EML1: variants seen among roughly 807,000 people sequenced by gnomAD.
EML1 encodes the protein EMAP like 1.
In EML1, 27 loss-of-function variants were observed where a neutral mutation model predicts 110.4. That is an observed-to-expected ratio of 0.24 (90% CI 0.18 to 0.34). The LOEUF is 0.34. Ranked by LOEUF, EML1 falls within the 10% of genes least tolerant of loss-of-function variation. The pLI is 1.00. For missense variants in EML1, 741 were observed against 1,030.9 expected, an observed-to-expected ratio of 0.72 and a Z score of 3.85; for synonymous variants, 344 against 385.8, an observed-to-expected ratio of 0.89 and a Z score of 1.27.
At chr14:99,760,176 A>C (rs578013906) in intron 1 of EML1, among the ~76,000 whole-genome samples, 1 of 151,772 alleles carries the variant, frequency 6.6e-6, no homozygotes, top group East Asian at 1.9e-4. Context: ...ACAAATGTGC[A>C]ACAGAAACAA....
intron 17 of EML1, among the ~76,000 whole-genome samples, chr14:99,922,181 C>T (rs1198561186): frequency 6.6e-6 from 1 of 150,942 alleles, no homozygotes; most frequent in African/African-American, 2.4e-5. Context: ...TTTTTTGAGA[C>T]AGAGCCTCAC....
chr14:99,894,427 CAG>C, intron 5 of EML1, 200 bp from the exon 6 acceptor site: 1 of 487,962 alleles, frequency 2.0e-6, no homozygotes. Flanking sequence ...CTTAAGTAAA[CAG>C]AATATCAAAA....
intron 1 of EML1, among the ~76,000 whole-genome samples, chr14:99,846,984 G>C (rs2058716852): frequency 6.6e-6 from 1 of 152,134 alleles, no homozygotes; most frequent in East Asian, 1.9e-4. Flanking sequence ...CTAAAACAGT[G>C]GTTTTAAAGC....
Position 99,878,578 on chromosome 14 carries a change from C to G in EML1, c.477C>G (p.Gly159=). The change falls in exon 4 of 22, where the codon GGC becomes GGG. Residue 159 remains glycine, a synonymous_variant. Coordinates refer to ENST00000262233, the MANE Select transcript of EML1 (RefSeq NM_004434.3). ...CCAGAGGAAACCGGAATCGCACAGG[C>G]TCCACCAGCAGCTCTTCCAGTGGCA... The part of the protein sequence containing the change: ...GDSRGNRNRT[G]STSSSSSGKK... The G allele has an allele frequency of 6.2e-7, 1 of 1,614,054 alleles. No individual in the cohort carries two copies. The highest frequency in any genetic ancestry group is 2.2e-5 in the East Asian group (1 of 44,876).
intron 4 of EML1, among the ~76,000 whole-genome samples, chr14:99,887,204 G>T (rs2139970394): frequency 6.6e-6 from 1 of 152,332 alleles, no homozygotes; most frequent in East Asian, 1.9e-4. Context: ...CTCCACGACT[G>T]CTTATATCTT....
intron 1 of EML1, among the ~76,000 whole-genome samples, chr14:99,808,459 G>C (rs1328321987): frequency 6.6e-6 from 1 of 152,204 alleles, no homozygotes; most frequent in Non-Finnish European, 1.5e-5. Flanking sequence ...CACAGTCATA[G>C]GTGGCAAAGC....
intron 5 of EML1, chr14:99,892,138 GCC>G: frequency 1.0e-6 from 1 of 985,402 alleles, no homozygotes; most frequent in South Asian, 4.7e-5. Context: ...TCTTTATCTA[GCC>G]CTTCTGTCTC....
intron 1 of EML1, among the ~76,000 whole-genome samples, chr14:99,739,425 G>A (rs942749119): frequency 2.0e-5 from 3 of 152,288 alleles, no homozygotes; most frequent in African/African-American, 7.2e-5. Context: ...TTAGCCCGTC[G>A]GAGCAAAGGA....
At chr14:99,935,199 G>A (rs1390274974) in intron 17 of EML1, among the ~76,000 whole-genome samples, 1 of 152,154 alleles carries the variant, frequency 6.6e-6, no homozygotes, top group East Asian at 1.9e-4. Flanking sequence ...ATTTGTAGGG[G>A]GCAGTGGCTC....
In EML1 at chr14:99,822,114, G is replaced by A. The variant is rs2058273937; in HGVS notation, c.67+28571G>A. On this transcript the variant is annotated intron_variant, in intron 1 of 21. Coordinates refer to ENST00000262233, the MANE Select transcript of EML1 (RefSeq NM_004434.3). ...GCCCTCCAGGTGGTTGCAGATGATTGCAAGGGGAAGCTCTGATGTCCTACC... is the reference window on the plus strand; with the variant it reads ...GCCCTCCAGGTGGTTGCAGATGATTACAAGGGGAAGCTCTGATGTCCTACC... 2.0e-5 allele frequency among the ~76,000 whole-genome samples: 3 copies of A among 152,216 alleles called. 1 individual carries two copies. Among genetic ancestry groups the A allele is most frequent in the Non-Finnish European group, 4.4e-5 (3 of 68,038 alleles).
At chr14:99,747,436 T>G (rs1595231224) in intron 1 of EML1, among the ~76,000 whole-genome samples, 2 of 149,702 alleles carry the variant, frequency 1.3e-5, no homozygotes, top group African/African-American at 4.9e-5. Flanking sequence ...GGGGCAGGGG[T>G]CTGAGGGGGA....
chr14:99,870,889 C>T (rs758673052), intron 3 of EML1, among the ~76,000 whole-genome samples: 3 of 152,178 alleles, frequency 2.0e-5, no homozygotes, highest in Non-Finnish European at 2.9e-5. Context: ...TATGCTGGCT[C>T]ACACAACACG....
chr14:99,768,511 C>T, upstream of EML1, among the ~76,000 whole-genome samples: 1 of 152,256 alleles, frequency 6.6e-6, no homozygotes, highest in East Asian at 1.9e-4. Flanking sequence ...CTATCAGTCA[C>T]TCCACATGGC....
chr14:99,856,443 CAAATT>C (rs1375106426), intron 2 of EML1, among the ~76,000 whole-genome samples: 2 of 152,158 alleles, frequency 1.3e-5, no homozygotes, highest in South Asian at 2.1e-4. Context: ...GTGCAACTGA[CAAATT>C]AAAATTTTTA....
At chr14:99,798,771 A>C (rs1250249573) in intron 1 of EML1, among the ~76,000 whole-genome samples, 1 of 152,134 alleles carries the variant, frequency 6.6e-6, no homozygotes, top group Non-Finnish European at 1.5e-5. Context: ...ACTGATTTTC[A>C]AGTAAAATTC....
At chr14:99,881,225 T>G (rs1028396493) in intron 4 of EML1, among the ~76,000 whole-genome samples, 2 of 152,192 alleles carry the variant, frequency 1.3e-5, no homozygotes, top group East Asian at 1.9e-4. Flanking sequence ...TAGGGATGGC[T>G]TCCACCCTGT....
At chr14:99,914,101 G>A (rs2059992560) in intron 13 of EML1, 78 bp from the exon 14 acceptor site, 3 of 1,540,014 alleles carry the variant, frequency 1.9e-6, no homozygotes, top group Non-Finnish European at 2.7e-6. Flanking sequence ...CTATCATTAT[G>A]ATAAGTGTTT....
intron 8 of EML1, among the ~76,000 whole-genome samples, chr14:99,899,706 G>A (rs982958846): frequency 1.7e-5 from 2 of 119,106 alleles, no homozygotes; most frequent in South Asian, 5.0e-4. Context: ...AATTGAATGG[G>A]TCTTTCAATT....
chr14:99,741,633 C>G (rs867510517), intron 1 of EML1, among the ~76,000 whole-genome samples: 17 of 152,116 alleles, frequency 1.1e-4, no homozygotes, highest in African/African-American at 3.4e-4. Flanking sequence ...CGCCCACCCC[C>G]CCCCAGACCT....
Sources: gnomAD v4.1 joint callset for allele counts (sites outside exome capture counted in the v4.1 genomes callset) on GRCh38, gnomAD v4.1.1 for gene constraint, MANE v1.5 for transcripts, NCBI Gene and HGNC (gene_info 2026-07-23, HGNC 2026-07-21) for gene names.